SFXN5: variants seen among roughly 807,000 people sequenced by gnomAD.
SFXN5 encodes the protein sideroflexin 5.
In SFXN5, 43 loss-of-function variants were observed where a neutral mutation model predicts 50.2. That is an observed-to-expected ratio of 0.86 (90% CI 0.67 to 1.11). SFXN5 has a LOEUF of 1.11. Ranked by LOEUF, SFXN5 falls within the 50% of genes least tolerant of loss-of-function variation. The pLI, the probability that SFXN5 is intolerant of heterozygous loss-of-function variation, is 0.00. For missense variants in SFXN5, 463 were observed against 454.1 expected (o/e 1.02, Z -0.18); for synonymous variants, 203 against 185.8 (o/e 1.09, Z -0.75).
At chr2:72,951,381 C>A (rs1294993813) in intron 13 of SFXN5, among the ~76,000 whole-genome samples, 8 of 152,200 alleles carry the variant, frequency 5.3e-5, no homozygotes, top group Non-Finnish European at 1.0e-4. Context: ...CACCCTAAGG[C>A]CCAGCTAGAA....
intron 10 of SFXN5, among the ~76,000 whole-genome samples, chr2:72,981,470 T>C (rs1671296342): frequency 6.6e-6 from 1 of 152,172 alleles, no homozygotes; most frequent in Non-Finnish European, 1.5e-5. Flanking sequence ...TCGGCCCACC[T>C]CGATGGATCT....
chr2:73,022,388 T>A lies in SFXN5; in HGVS notation c.331+134A>T, dbSNP rs527634654. The A allele has an allele frequency of 1.5e-5, 11 of 712,228 alleles. No homozygotes were observed. The African/African-American group carries it at 1.9e-4, about 12-fold the overall frequency. The allele number at this position is 712,228 out of a possible 1,614,324, so 44.1% of individuals were successfully genotyped here. ...TTGTACAGTTGAGCTGAGGTGAATG[T>A]AGAGGTGCAAATATGGCCATGATTG... On this transcript the variant is annotated intron_variant, in intron 5 of 13. Coordinates refer to ENST00000272433, the MANE Select transcript of SFXN5 (RefSeq NM_144579.3).
chr2:73,012,674 AC>A (rs1260475927), intron 6 of SFXN5, among the ~76,000 whole-genome samples: 1 of 150,040 alleles, frequency 6.7e-6, no homozygotes, highest in East Asian at 1.9e-4. Flanking sequence ...ACACACACAC[AC>A]ACACACACAC....
At chr2:72,997,557 GTTTT>G (rs1377134796) in intron 9 of SFXN5, 2 of 151,302 alleles carry the variant, frequency 1.3e-5, no homozygotes, top group Non-Finnish European at 3.0e-5. Flanking sequence ...TGGTTTTGGG[GTTTT>G]TTAATTTCTT....
At chr2:72,982,743 C>A (rs1352676063) in intron 10 of SFXN5, among the ~76,000 whole-genome samples, 2 of 152,096 alleles carry the variant, frequency 1.3e-5, no homozygotes, top group Non-Finnish European at 1.5e-5. Flanking sequence ...GCCTGGTAGT[C>A]GAGGGAGGGC....
chr2:73,027,143 A>G (rs1448987080), intron 3 of SFXN5, among the ~76,000 whole-genome samples: 2 of 152,200 alleles, frequency 1.3e-5, no homozygotes, highest in Non-Finnish European at 2.9e-5. Context: ...CATACTTATC[A>G]TAGGAGATGA....
At chr2:72,971,746 G>A (rs1670030530) in intron 10 of SFXN5, 61 bp from the exon 11 acceptor site, 2 of 1,313,274 alleles carry the variant, frequency 1.5e-6, no homozygotes, top group Non-Finnish European at 2.2e-6. Context: ...CACCTGGAGG[G>A]AGGTCACTAC....
chr2:73,036,455 CCAA>C (rs1398861153), intron 3 of SFXN5, among the ~76,000 whole-genome samples: 1 of 152,172 alleles, frequency 6.6e-6, no homozygotes, highest in Non-Finnish European at 1.5e-5. Flanking sequence ...GCAGGCATCA[CCAA>C]CATGAGCCAG....
At chr2:73,040,750 T>C (rs1036848266) in intron 3 of SFXN5, 104 bp downstream of exon 3, 3 of 859,244 alleles carry the variant, frequency 3.5e-6, no homozygotes, top group Non-Finnish European at 5.4e-6. Flanking sequence ...AGCAGAAGTA[T>C]ATGCTGGACG....
intron 3 of SFXN5, among the ~76,000 whole-genome samples, chr2:73,029,395 T>C (rs1304966458): frequency 6.6e-6 from 1 of 152,204 alleles, no homozygotes; most frequent in Non-Finnish European, 1.5e-5. Context: ...TCAATAGTTT[T>C]GCCTAAAATA....
At chr2:73,050,279 CT>C (rs1681071964) in intron 2 of SFXN5, among the ~76,000 whole-genome samples, 1 of 152,194 alleles carries the variant, frequency 6.6e-6, no homozygotes, top group Non-Finnish European at 1.5e-5. Context: ...AAGCATTCCC[CT>C]GGTGGAAACT....
intron 6 of SFXN5, among the ~76,000 whole-genome samples, chr2:73,018,512 A>G (rs926140450): frequency 2.6e-5 from 4 of 152,248 alleles, no homozygotes. Context: ...AGTTTTAAGA[A>G]AACATTAAAG....
chr2:73,011,096 C>G (rs1675444221), intron 6 of SFXN5, among the ~76,000 whole-genome samples: 1 of 152,212 alleles, frequency 6.6e-6, no homozygotes, highest in African/African-American at 2.4e-5. Flanking sequence ...TTTCACAAAT[C>G]AATCAATTGT....
At chr2:72,991,695 T>C (rs1192792116) in intron 9 of SFXN5, among the ~76,000 whole-genome samples, 2 of 152,184 alleles carry the variant, frequency 1.3e-5, no homozygotes, top group African/African-American at 4.8e-5. Flanking sequence ...GCCTTGAACA[T>C]TTGGTAGAGC....
At chr2:73,069,582 G>A (rs1035598582) in intron 1 of SFXN5, among the ~76,000 whole-genome samples, 3 of 152,098 alleles carry the variant, frequency 2.0e-5, no homozygotes, top group Non-Finnish European at 4.4e-5. Context: ...CTGGAGGAGG[G>A]GAGCTTCAAA....
At chr2:73,054,190 C>T (rs1681783154) in intron 2 of SFXN5, among the ~76,000 whole-genome samples, 1 of 152,118 alleles carries the variant, frequency 6.6e-6, no homozygotes, top group Admixed American at 6.6e-5. Flanking sequence ...AGCAGGTAGT[C>T]CTGGAAACAA....
At chr2:73,062,758 G>C (rs13400948) in intron 1 of SFXN5, among the ~76,000 whole-genome samples, 1 of 152,018 alleles carries the variant, frequency 6.6e-6, no homozygotes, top group Admixed American at 6.5e-5. Context: ...GAAGCATCGC[G>C]AAGTATACTG....
At chr2:73,016,345 T>G (rs1355275155) in intron 6 of SFXN5, among the ~76,000 whole-genome samples, 1 of 152,172 alleles carries the variant, frequency 6.6e-6, no homozygotes, top group South Asian at 2.1e-4. Context: ...TAGAATACTA[T>G]ATAGCTGTAA....
At chr2:73,044,960 C>T (rs1259370985) in intron 2 of SFXN5, among the ~76,000 whole-genome samples, 2 of 152,098 alleles carry the variant, frequency 1.3e-5, no homozygotes, top group African/African-American at 2.4e-5. Flanking sequence ...CAGGATACCC[C>T]GATGGAGGGG....
Sources: gnomAD v4.1 joint callset for allele counts (sites outside exome capture counted in the v4.1 genomes callset) on GRCh38, gnomAD v4.1.1 for gene constraint, MANE v1.5 for transcripts, NCBI Gene and HGNC (gene_info 2026-07-23, HGNC 2026-07-21) for gene names.